Variants in SCFD2 observed in about 807,000 individuals in gnomAD.
SCFD2 encodes sec1 family domain-containing protein 2.
SCFD2 carries 54 observed loss-of-function variants against 58.9 expected under a neutral mutation model. That is an observed-to-expected ratio of 0.92 (90% CI 0.74 to 1.15). SCFD2 has a LOEUF of 1.15. Among genes scored for constraint, SCFD2 ranks in the 50% most tolerant of loss-of-function variants. The pLI is 0.00. For synonymous variants in SCFD2, 321 were observed against 335.9 expected (o/e 0.96, Z 0.49); for missense variants, 805 against 836.6 (o/e 0.96, Z 0.47).
At chr4:53,303,455 C>G (rs182355977) in intron 3 of SCFD2, among the ~76,000 whole-genome samples, 12 of 152,164 alleles carry the variant, frequency 7.9e-5, no homozygotes, top group South Asian at 2.1e-4. Context: ...GGAAACAGCA[C>G]GTGCTGGAGA....
At chr4:53,338,575 C>CTTTTCTTTTTT (rs1733752627) in intron 2 of SCFD2, among the ~76,000 whole-genome samples, 1 of 72,296 alleles carries the variant, frequency 1.4e-5, no homozygotes, top group Non-Finnish European at 2.5e-5. Context: ...GTATATTTTT[C>CTTTTCTTTTTT]TTTTTTTTTT....
At position 52,904,745 on chromosome 4, in the gene SCFD2, T is replaced by G. The variant is rs554514851; in HGVS notation, c.1842+2712A>C. On this transcript the variant is annotated intron_variant, in intron 7 of 8. Coordinates refer to ENST00000401642, the MANE Select transcript of SCFD2 (RefSeq NM_152540.4). ...TATGAATACTTAACTTCCAAGAAAA[T>G]GCCTGGCAGCCTCCTGGAGCCAAGA... Among the ~76,000 whole-genome samples the G allele has an allele frequency of 1.1e-4, 16 of 152,252 alleles. No homozygotes were observed. The East Asian group carries it at 1.9e-3, about 18-fold the overall frequency.
intron 5 of SCFD2, among the ~76,000 whole-genome samples, chr4:52,934,766 AT>A (rs1217876270): frequency 6.6e-6 from 1 of 152,242 alleles, no homozygotes; most frequent in East Asian, 1.9e-4. Context: ...TCATGGCAAT[AT>A]TATTTATAAT....
At chr4:52,979,949 C>T (rs940959913) in intron 5 of SCFD2, among the ~76,000 whole-genome samples, 2 of 152,128 alleles carry the variant, frequency 1.3e-5, no homozygotes, top group African/African-American at 4.8e-5. Context: ...AGGTTCTCAT[C>T]ACCTCTGGAT....
intron 4 of SCFD2, among the ~76,000 whole-genome samples, chr4:53,249,165 G>A (rs1162740841): frequency 1.3e-5 from 2 of 152,190 alleles, no homozygotes; most frequent in Admixed American, 1.3e-4. Flanking sequence ...GAATGCAGAA[G>A]CCTCAGGAGC....
intron 5 of SCFD2, among the ~76,000 whole-genome samples, chr4:53,107,508 C>T (rs1725040085): frequency 6.6e-6 from 1 of 151,910 alleles, no homozygotes; most frequent in Non-Finnish European, 1.5e-5. Flanking sequence ...CACTCACAGG[C>T]TCAAAATAAA....
chr4:53,176,372 C>T (rs1727328587), intron 4 of SCFD2, among the ~76,000 whole-genome samples: 1 of 151,876 alleles, frequency 6.6e-6, no homozygotes, highest in South Asian at 2.1e-4. Flanking sequence ...ATAACTGAAA[C>T]CCTCCTTAAG....
intron 2 of SCFD2, among the ~76,000 whole-genome samples, chr4:53,343,795 C>T (rs1369509800): frequency 1.3e-5 from 2 of 152,228 alleles, no homozygotes; most frequent in East Asian, 3.9e-4. Flanking sequence ...AAGGCTGGTT[C>T]AACATATGCA....
At chr4:53,084,139 C>A (rs1724232946) in intron 5 of SCFD2, among the ~76,000 whole-genome samples, 1 of 152,134 alleles carries the variant, frequency 6.6e-6, no homozygotes, top group African/African-American at 2.4e-5. Context: ...GGTTCTGCTG[C>A]AGACCAGGGC....
At chr4:53,227,758 T>C (rs768450516) in intron 4 of SCFD2, among the ~76,000 whole-genome samples, 4 of 152,146 alleles carry the variant, frequency 2.6e-5, no homozygotes, top group Non-Finnish European at 5.9e-5. Context: ...ATATATTTAT[T>C]CATAAAACAA....
At chr4:53,316,205 TTA>T (rs1300785865) in intron 2 of SCFD2, among the ~76,000 whole-genome samples, 23 of 152,336 alleles carry the variant, frequency 1.5e-4, no homozygotes, top group African/African-American at 5.5e-4. Flanking sequence ...AGCTGACTTA[TTA>T]TGTTTCCATG....
At position 53,048,748 on chromosome 4, in the gene SCFD2, C is replaced by A. The variant is rs1723110819; in HGVS notation, c.1561+96585G>T. On this transcript the variant is annotated intron_variant, in intron 5 of 8. Coordinates refer to ENST00000401642, the MANE Select transcript of SCFD2 (RefSeq NM_152540.4). ...CAGGCCCTGGGTCATCTGGCTCCTG[C>A]CTCTCTTCTCATTGGGCTTCAGCCA... is the stretch of plus-strand genomic sequence containing the variant. 2.6e-5 allele frequency among the ~76,000 whole-genome samples: 4 copies of A among 152,180 alleles called. No individual in the cohort carries two copies. The South Asian group carries it at 8.3e-4, about 32-fold the overall frequency.
chr4:53,048,719 C>A (rs1473469670), intron 5 of SCFD2, among the ~76,000 whole-genome samples: 3 of 152,136 alleles, frequency 2.0e-5, no homozygotes, highest in Non-Finnish European at 4.4e-5. Context: ...TTTCGATGGC[C>A]CTCCAGGCCC....
At chr4:52,992,842 C>T (rs377048259) in intron 5 of SCFD2, among the ~76,000 whole-genome samples, 103 of 152,186 alleles carry the variant, frequency 6.8e-4, no homozygotes, top group African/African-American at 2.4e-3. Flanking sequence ...CCGGCTGCCC[C>T]GTCTGGGAAG....
intron 5 of SCFD2, among the ~76,000 whole-genome samples, chr4:52,947,968 C>CAAAAAAAAAAAAAAAAAA (rs34494471): frequency 5.7e-5 from 2 of 35,210 alleles, no homozygotes; most frequent in African/African-American, 1.0e-4. Flanking sequence ...AAAAATAGGC[C>CAAAAAAAAAAAAAAAAAA]AAAAAAAAAA....
chr4:52,970,864 T>C (rs1721082517), intron 5 of SCFD2, among the ~76,000 whole-genome samples: 1 of 152,064 alleles, frequency 6.6e-6, no homozygotes, highest in African/African-American at 2.4e-5. Flanking sequence ...CTCACCAATA[T>C]CCGCTGTTGT....
At chr4:53,227,130 T>C (rs896002540) in intron 4 of SCFD2, among the ~76,000 whole-genome samples, 2 of 152,168 alleles carry the variant, frequency 1.3e-5, no homozygotes, top group African/African-American at 4.8e-5. Context: ...CTCTGGCCTC[T>C]TATCTGAGCA....
intron 3 of SCFD2, among the ~76,000 whole-genome samples, chr4:53,281,685 G>A (rs547105249): frequency 2.0e-5 from 3 of 152,294 alleles, no homozygotes; most frequent in East Asian, 1.9e-4. Context: ...GAAGATCACC[G>A]AAATAGTCTA....
intron 5 of SCFD2, among the ~76,000 whole-genome samples, chr4:52,998,999 G>T (rs971955328): frequency 6.6e-6 from 1 of 152,114 alleles, no homozygotes; most frequent in Non-Finnish European, 1.5e-5. Flanking sequence ...CCAAATGTAT[G>T]CTTCCTACTA....
Sources: allele counts gnomAD v4.1 joint callset (sites outside exome capture counted in the v4.1 genomes callset), GRCh38; gene constraint gnomAD v4.1.1; transcripts MANE v1.5; gene names NCBI Gene and HGNC (gene_info 2026-07-23, HGNC 2026-07-21).